The following ANKFN1 variants were observed in gnomAD, a reference collection of about 807,000 sequenced individuals.
The protein encoded by ANKFN1 is ankyrin repeat and fibronectin type III domain containing 1.
ANKFN1 carries 74 observed loss-of-function variants against 108.7 expected under a neutral mutation model. That is an observed-to-expected ratio of 0.68 (90% confidence interval 0.56 to 0.83). The LOEUF is 0.83. ANKFN1 is among the 40% of genes least tolerant of loss of function. ANKFN1 has a pLI of 0.00. For missense variants in ANKFN1, 1,505 were observed against 1,382.3 expected (o/e 1.09, Z -1.41); for synonymous variants, 547 against 516.2 (o/e 1.06, Z -0.81).
intron 4 of ANKFN1, among the ~76,000 whole-genome samples, chr17:56,115,286 C>T: frequency 6.6e-6 from 1 of 152,082 alleles, no homozygotes; most frequent in South Asian, 2.1e-4. Context: ...TGAACAATTG[C>T]AGGGACTTCA....
chr17:56,442,761 A>G, intron 9 of ANKFN1, 82 bp from the exon 10 acceptor site: 2 of 1,227,170 alleles, frequency 1.6e-6, no homozygotes, highest in East Asian at 2.4e-5. Flanking sequence ...AATCACACAT[A>G]GTTATTAAAT....
At chr17:56,355,113 C>A in intron 6 of ANKFN1, among the ~76,000 whole-genome samples, 1 of 151,932 alleles carries the variant, frequency 6.6e-6, no homozygotes, top group East Asian at 1.9e-4. Flanking sequence ...AATGTTCTCA[C>A]CACAAAGAAA....
At chr17:56,300,742 C>G (rs568966963) in intron 3 of ANKFN1, among the ~76,000 whole-genome samples, 14 of 152,268 alleles carry the variant, frequency 9.2e-5, no homozygotes, top group Admixed American at 2.0e-4. Flanking sequence ...AGATTCCACA[C>G]TTAGGCAGAT....
rs146288205 is a variant in ANKFN1 at position 56,268,936 on chromosome 17, G to A, written c.53+40979G>A. On this transcript the variant is annotated intron_variant, in intron 3 of 20. Transcript: ENST00000682825. ...AGATAAATAAATAAAGACACAAAAT[G>A]CTCAGAAAATGCTTCACAAATAACT... is the stretch of plus-strand genomic sequence containing the variant. 7.5e-3 allele frequency among the ~76,000 whole-genome samples: 1,144 copies of A among 152,194 alleles called. 9 individuals carry two copies. The highest frequency in any genetic ancestry group is 0.011 in the Non-Finnish European group (773 of 68,002).
At chr17:56,485,809 C>G (rs541503937) in intron 18 of ANKFN1, among the ~76,000 whole-genome samples, 1 of 152,226 alleles carries the variant, frequency 6.6e-6, no homozygotes, top group East Asian at 1.9e-4. Context: ...AAATTTTAAC[C>G]TGCATAAGAA....
intron 3 of ANKFN1, among the ~76,000 whole-genome samples, chr17:56,241,386 C>T (rs1244829854): frequency 6.6e-6 from 1 of 152,140 alleles, no homozygotes; most frequent in East Asian, 1.9e-4. Context: ...ACTCATCCAG[C>T]ATGATGTAAC....
intron 1 of ANKFN1, among the ~76,000 whole-genome samples, chr17:56,205,687 T>C (rs1276992187): frequency 2.6e-5 from 4 of 152,220 alleles, no homozygotes; most frequent in African/African-American, 9.6e-5. Flanking sequence ...ATTCTATTTT[T>C]CCATGTGGTA....
At chr17:56,505,146 T>C (rs2145473140) in intron 20 of ANKFN1, among the ~76,000 whole-genome samples, 1 of 152,336 alleles carries the variant, frequency 6.6e-6, no homozygotes, top group South Asian at 2.1e-4. Flanking sequence ...ATATTTGGGC[T>C]GGCTCTTCAG....
chr17:56,103,221 G>A (rs1300576708), intron 4 of ANKFN1, among the ~76,000 whole-genome samples: 6 of 152,194 alleles, frequency 3.9e-5, no homozygotes. Flanking sequence ...ATTCTGCCAT[G>A]CTATGTATCC....
chr17:56,395,095 T>C (rs763374), intron 8 of ANKFN1, among the ~76,000 whole-genome samples: 101,789 of 151,968 alleles, frequency 0.67, 34,671 homozygotes, highest in East Asian at 0.96. Context: ...ATTTTTCCAA[T>C]TATAAAAATA....
chr17:56,072,326 A>G (rs1260319333), intron 4 of ANKFN1, among the ~76,000 whole-genome samples: 1 of 152,140 alleles, frequency 6.6e-6, no homozygotes, highest in Non-Finnish European at 1.5e-5. Flanking sequence ...TATGTAGTGT[A>G]CGTATAAGAA....
At chr17:56,261,875 TCAATC>T (rs1012864862) in intron 3 of ANKFN1, among the ~76,000 whole-genome samples, 1 of 152,146 alleles carries the variant, frequency 6.6e-6, no homozygotes, top group Non-Finnish European at 1.5e-5. Flanking sequence ...TTTGCATCCT[TCAATC>T]CAATCAAGTT....
intron 1 of ANKFN1, among the ~76,000 whole-genome samples, chr17:56,167,431 A>G (rs1910257725): frequency 6.6e-6 from 1 of 151,632 alleles, no homozygotes. Context: ...ATACTTATTA[A>G]ATCCAATTGT....
chr17:56,318,931 C>T (rs1447904694), intron 3 of ANKFN1, among the ~76,000 whole-genome samples: 1 of 152,136 alleles, frequency 6.6e-6, no homozygotes, highest in East Asian at 1.9e-4. Context: ...TTTTTATCTA[C>T]CTGTTTTCTT....
intron 1 of ANKFN1, among the ~76,000 whole-genome samples, chr17:56,180,261 C>A (rs1018892798): frequency 2.0e-5 from 3 of 152,164 alleles, no homozygotes; most frequent in Non-Finnish European, 4.4e-5. Context: ...TAGAATACAG[C>A]CAAATTTAGC....
chr17:56,069,208 A>G (rs573166570), intron 4 of ANKFN1, among the ~76,000 whole-genome samples: 44 of 152,368 alleles, frequency 2.9e-4, no homozygotes, highest in African/African-American at 9.6e-4. Context: ...AGTTTCATAT[A>G]TAATAAAACT....
At chr17:56,396,828 T>A (rs1465347854) in intron 8 of ANKFN1, among the ~76,000 whole-genome samples, 2 of 152,072 alleles carry the variant, frequency 1.3e-5, no homozygotes, top group East Asian at 3.9e-4. Flanking sequence ...TCCCAATCAT[T>A]GATCCTAGGG....
chr17:56,234,631 C>A (rs1034004079), intron 3 of ANKFN1, among the ~76,000 whole-genome samples: 2 of 152,128 alleles, frequency 1.3e-5, no homozygotes, highest in Non-Finnish European at 2.9e-5. Flanking sequence ...CATTAGTCTG[C>A]TAAGGATAAT....
intron 3 of ANKFN1, among the ~76,000 whole-genome samples, chr17:56,259,246 G>A (rs1300618072): frequency 6.6e-6 from 1 of 152,080 alleles, no homozygotes; most frequent in Non-Finnish European, 1.5e-5. Context: ...TGCCTCTGTG[G>A]GAGATCATGT....
Sources: allele counts gnomAD v4.1 joint callset (sites outside exome capture counted in the v4.1 genomes callset), GRCh38; gene constraint gnomAD v4.1.1; transcripts MANE v1.5; gene names NCBI Gene and HGNC (gene_info 2026-07-23, HGNC 2026-07-21).